Variants in MAJIN observed in about 807,000 individuals in gnomAD.
MAJIN encodes the protein membrane-anchored junction protein.
MAJIN carries 27 observed loss-of-function variants against 30.2 expected under a neutral mutation model. The observed-to-expected ratio is 0.89, with a 90% confidence interval of 0.66 to 1.23. The LOEUF (loss-of-function observed/expected upper bound fraction) is 1.23, where lower values mean the gene tolerates loss of function less well. Ranked by LOEUF, MAJIN falls within the 50% of genes most tolerant of loss-of-function variation. The pLI is 0.00. For synonymous variants in MAJIN, 78 were observed against 91.6 expected, an observed-to-expected ratio of 0.85 and a Z score of 0.85; for missense variants, 253 against 260.3, an observed-to-expected ratio of 0.97 and a Z score of 0.19.
chr11:64,961,193 G>T (rs1945716484), intron 1 of MAJIN, among the ~76,000 whole-genome samples: 1 of 150,628 alleles, frequency 6.6e-6, no homozygotes, highest in African/African-American at 2.4e-5. Context: ...TTTGAGTCAG[G>T]GTCTCACTCT....
intron 2 of MAJIN, among the ~76,000 whole-genome samples, chr11:64,959,713 G>A (rs888583666): frequency 6.6e-6 from 1 of 152,062 alleles, no homozygotes; most frequent in Non-Finnish European, 1.5e-5. Context: ...ACTAGTATCC[G>A]CCCTGATGAC....
intron 3 of MAJIN, among the ~76,000 whole-genome samples, chr11:64,959,030 A>G (rs1386392337): frequency 6.7e-6 from 1 of 148,988 alleles, no homozygotes; most frequent in African/African-American, 2.5e-5. Flanking sequence ...CAGAGGTGAG[A>G]GGACTGCTTG....
intron 1 of MAJIN, among the ~76,000 whole-genome samples, chr11:64,961,221 G>A (rs1945717354): frequency 1.3e-5 from 2 of 151,132 alleles, no homozygotes; most frequent in Admixed American, 1.3e-4. Flanking sequence ...AGGCTGGAGT[G>A]CAGTGGCATG....
rs956655937 is a variant in MAJIN, at chr11:64,947,380, A to C, written c.467T>G (p.Leu156Arg). 1.9e-6 allele frequency: 3 copies of C among 1,613,162 alleles called. No homozygotes were observed. The African/African-American group carries it at 4.0e-5, about 22-fold the overall frequency. ...DEPSSPSRPG[L>R]DRIGKEKPNK... ...CTCTCCCCACACCACTGACCTGTCC[A>C]GCCCTGGCCTGCTGGGGGAGCTGGG... The change falls in exon 8 of 11, where the codon CTG becomes CGG. Residue 156 changes from leucine (L) to arginine (R), a missense_variant. Physicochemically the swap from Leu to Arg is moderately radical, Grantham distance 102. Coordinates refer to ENST00000301896, the MANE Select transcript of MAJIN (RefSeq NM_001037225.3).
At chr11:64,940,495 T>C in intron 9 of MAJIN, 79 bp downstream of exon 9, 1 of 1,448,070 alleles carries the variant, frequency 6.9e-7, no homozygotes, top group Non-Finnish European at 9.7e-7. Context: ...CTCAGCTCTG[T>C]GCTGCTCTAC....
At chr11:64,946,199 A>G (rs1481483857) in intron 8 of MAJIN, 86 of 1,499,664 alleles carry the variant, frequency 5.7e-5, no homozygotes, top group South Asian at 1.5e-4. Context: ...GGCAGAGGCA[A>G]TATCACTACA....
chr11:64,956,358 G>A (rs988679317), intron 3 of MAJIN, among the ~76,000 whole-genome samples: 9 of 151,764 alleles, frequency 5.9e-5, no homozygotes, highest in East Asian at 1.9e-4. Flanking sequence ...ACGTGGTGGC[G>A]GGCGCCTGTA....
chr11:64,959,523 T>G, intron 2 of MAJIN, 101 bp from the exon 3 acceptor site: 1 of 834,684 alleles, frequency 1.2e-6, no homozygotes, highest in Non-Finnish European at 1.9e-6. Flanking sequence ...ATGAGTAAAA[T>G]GTCCAACACT....
intron 8 of MAJIN, among the ~76,000 whole-genome samples, chr11:64,941,576 G>A (rs1945379883): frequency 6.6e-6 from 1 of 152,180 alleles, no homozygotes; most frequent in Admixed American, 6.5e-5. Context: ...AGAATCGCTT[G>A]AACCCAGGAG....
chr11:64,955,060 G>A (rs1216036468), intron 3 of MAJIN, among the ~76,000 whole-genome samples: 1 of 152,204 alleles, frequency 6.6e-6, no homozygotes. Flanking sequence ...TACAACAGTT[G>A]TACTTTAAGT....
At chr11:64,950,779 A>C (rs975908433) in intron 4 of MAJIN, among the ~76,000 whole-genome samples, 1 of 151,872 alleles carries the variant, frequency 6.6e-6, no homozygotes, top group African/African-American at 2.4e-5. Context: ...ATGTGGTTTC[A>C]CCATGTTGCC....
In MAJIN at chr11:64,954,819, C is replaced by G. The variant is rs766321431; in HGVS notation, c.102-17G>C. ...TCTTCTCCTCTAGAAGGTAAACAGA[C>G]AAGAGACAAGTAAGACATGAAGGAA... On this transcript the variant is annotated splice_polypyrimidine_tract_variant and intron_variant, in intron 3 of 10. Coordinates refer to ENST00000301896, the MANE Select transcript of MAJIN (RefSeq NM_001037225.3). 1 of 1,597,714 alleles carries G rather than the reference C, an allele frequency of 6.3e-7. No individual in the cohort carries two copies. The highest frequency in any genetic ancestry group is 8.5e-7 in the Non-Finnish European group (1 of 1,172,854).
At chr11:64,940,781 T>C (rs1241601992) in intron 8 of MAJIN, 135 bp from the exon 9 acceptor site, 3 of 633,104 alleles carry the variant, frequency 4.7e-6, no homozygotes, top group Non-Finnish European at 8.4e-6. Flanking sequence ...AGGTTCTATA[T>C]TTCTTTCCAT....
rs373987400 is a variant in MAJIN at position 64,950,997 on chromosome 11, G to A, written c.148-567C>T. Among the ~76,000 whole-genome samples the A allele has an allele frequency of 1.1e-4, 16 of 152,224 alleles. 2 individuals carry two copies. The highest frequency in any genetic ancestry group is 7.8e-4 in the Admixed American group (12 of 15,290). ...TATCCTTTCAGGCATAGTTCAAAAG[G>A]CATCTCCTCCAGAAATCTTTCCCTG... On this transcript the variant is annotated intron_variant, in intron 4 of 10. Transcript: ENST00000301896.
intron 1 of MAJIN, among the ~76,000 whole-genome samples, chr11:64,967,406 C>CAAAAAAGAAAAAG (rs201674777): frequency 2.7e-5 from 4 of 149,562 alleles, no homozygotes; most frequent in African/African-American, 9.9e-5. Flanking sequence ...AACTCTGTCT[C>CAAAAAAGAAAAAG]AAAAAAGAAA....
At chr11:64,950,565 AT>A in intron 4 of MAJIN, 135 bp from the exon 5 acceptor site, 2 of 722,058 alleles carry the variant, frequency 2.8e-6, no homozygotes, top group Non-Finnish European at 4.5e-6. Flanking sequence ...ACGTGTTCTG[AT>A]TCTCCATTTC....
chr11:64,940,835 C>CTTTTTTTTTTTTTTTTTTTTTTTT (rs1168979344), intron 8 of MAJIN, among the ~76,000 whole-genome samples, 189 bp from the exon 9 acceptor site: 4 of 88,562 alleles, frequency 4.5e-5, no homozygotes, highest in African/African-American at 4.9e-5. Context: ...TTTTTTCTTT[C>CTTTTTTTTTTTTTTTTTTTTTTTT]TTTTTTTTTT....
intron 4 of MAJIN, 130 bp downstream of exon 4, chr11:64,954,627 A>T: frequency 1.2e-6 from 1 of 833,072 alleles, no homozygotes; most frequent in Non-Finnish European, 2.1e-6. Context: ...TTTGCAAAGG[A>T]GATGTAGCAG....
At chr11:64,946,215 G>A (rs1477931945) in intron 8 of MAJIN, 16 of 1,457,728 alleles carry the variant, frequency 1.1e-5, no homozygotes, top group African/African-American at 1.4e-5. Flanking sequence ...CTACATTCAA[G>A]CAAATGTGGC....
Sources: allele counts gnomAD v4.1 joint callset (sites outside exome capture counted in the v4.1 genomes callset), GRCh38; gene constraint gnomAD v4.1.1; transcripts MANE v1.5; gene names NCBI Gene and HGNC (gene_info 2026-07-23, HGNC 2026-07-21).